The following C1GALT1 variants were observed in gnomAD, a reference collection of about 807,000 sequenced individuals.
C1GALT1 encodes glycoprotein-N-acetylgalactosamine 3-beta-galactosyltransferase 1.
Under a neutral mutation model 31.0 loss-of-function variants are expected in C1GALT1, and 11 were observed. The ratio of observed to expected loss-of-function variants is 0.36; its 90% CI spans 0.22 to 0.59. The LOEUF (loss-of-function observed/expected upper bound fraction) is 0.59. Ranked by LOEUF, C1GALT1 falls within the 20% of genes least tolerant of loss-of-function variation. The pLI, the probability that C1GALT1 is intolerant of heterozygous loss-of-function variation, is 0.79. For synonymous variants in C1GALT1, 175 were observed against 143.6 expected (o/e 1.22, Z -1.56); for missense variants, 424 against 425.2 (o/e 1.00, Z 0.03).
intron 1 of C1GALT1, among the ~76,000 whole-genome samples, chr7:7,192,627 G>A (rs1217298964): frequency 1.3e-5 from 2 of 152,040 alleles, no homozygotes; most frequent in African/African-American, 2.4e-5. Context: ...GTGTTCAAGT[G>A]TGTTTTTCGT....
chr7:7,219,059 G>T (rs1037833966), intron 1 of C1GALT1, among the ~76,000 whole-genome samples: 2 of 152,028 alleles, frequency 1.3e-5, no homozygotes, highest in African/African-American at 4.8e-5. Context: ...GGATGGTCTC[G>T]ATCTCCTGAC....
intron 1 of C1GALT1, among the ~76,000 whole-genome samples, chr7:7,199,612 G>A (rs1025095278): frequency 3.3e-5 from 5 of 152,060 alleles, no homozygotes; most frequent in Non-Finnish European, 5.9e-5. Flanking sequence ...TTTCTGTCTC[G>A]TTGATCTGTC....
chr7:7,227,210 A>G (rs936012218), intron 1 of C1GALT1, among the ~76,000 whole-genome samples: 3 of 152,222 alleles, frequency 2.0e-5, no homozygotes, highest in Non-Finnish European at 4.4e-5. Context: ...GATGACTAAT[A>G]TAATTCCCAT....
At chr7:7,241,618 A>AT (rs2128252718) in intron 3 of C1GALT1, among the ~76,000 whole-genome samples, 1 of 151,998 alleles carries the variant, frequency 6.6e-6, no homozygotes, top group African/African-American at 2.4e-5. Context: ...GGTATGCAAT[A>AT]TTTTTGTTAC....
intron 1 of C1GALT1, among the ~76,000 whole-genome samples, chr7:7,216,614 T>C (rs1482216755): frequency 2.7e-5 from 4 of 149,396 alleles, no homozygotes; most frequent in Admixed American, 2.7e-4. Flanking sequence ...CACTTACCCT[T>C]GAAAGAAAAC....
intron 1 of C1GALT1, among the ~76,000 whole-genome samples, chr7:7,214,542 C>T (rs996302450): frequency 1.4e-4 from 22 of 152,152 alleles, no homozygotes; most frequent in Non-Finnish European, 7.3e-5. Context: ...TGACTTTAGC[C>T]ATGCCAAGCA....
chr7:7,167,228 T>C (rs1780408156), intron 2 of C1GALT1, among the ~76,000 whole-genome samples: 1 of 152,208 alleles, frequency 6.6e-6, no homozygotes. Flanking sequence ...GCTTATGCAG[T>C]GTACAGATAA....
At chr7:7,188,210 T>A (rs994831656) in intron 1 of C1GALT1, among the ~76,000 whole-genome samples, 8 of 152,326 alleles carry the variant, frequency 5.3e-5, no homozygotes, top group Non-Finnish European at 7.3e-5. Context: ...ATTAAGAATA[T>A]CTGTGTACTT....
In C1GALT1 at chr7:7,245,543, G is replaced by A. The variant is rs1427954722; in HGVS notation, c.*1816G>A. The A allele has an allele frequency of 1.3e-5, 2 of 152,186 alleles. No homozygotes were observed. The highest frequency in any genetic ancestry group is 2.9e-5 in the Non-Finnish European group (2 of 68,030). 9.4% of individuals were successfully genotyped at this position (152,186 alleles called of 1,614,324 possible). ...TGACCTCTTTGAATGGTATATTTGA[G>A]AGGATGTTCATTTCATTGGTTAACC... is the stretch of plus-strand genomic sequence containing the variant. On this transcript the variant is annotated 3_prime_UTR_variant, in exon 4 of 4. Transcript: ENST00000436587.
At chr7:7,186,680 G>A (rs1272160651) in intron 1 of C1GALT1, among the ~76,000 whole-genome samples, 1 of 152,252 alleles carries the variant, frequency 6.6e-6, no homozygotes, top group Non-Finnish European at 1.5e-5. Flanking sequence ...ACCTGAAGGA[G>A]TTGGAGAGTG....
chr7:7,208,803 C>G (rs563141013), intron 1 of C1GALT1, among the ~76,000 whole-genome samples: 15 of 152,348 alleles, frequency 9.8e-5, no homozygotes, highest in African/African-American at 3.6e-4. Context: ...TCCACAAACA[C>G]GTGCACAGTT....
At chr7:7,217,511 TTAATGA>T (rs1782300489) in intron 1 of C1GALT1, among the ~76,000 whole-genome samples, 1 of 152,244 alleles carries the variant, frequency 6.6e-6, no homozygotes. Flanking sequence ...GGTTAAAATC[TTAATGA>T]TTATGTGGGC....
chr7:7,223,156 A>C (rs2128243360), intron 1 of C1GALT1, among the ~76,000 whole-genome samples: 1 of 152,108 alleles, frequency 6.6e-6, no homozygotes, highest in Admixed American at 6.6e-5. Context: ...TAATTATCAC[A>C]GACAGGTTTT....
intron 1 of C1GALT1, among the ~76,000 whole-genome samples, chr7:7,194,167 CCTTGT>C (rs1422173584): frequency 1.3e-5 from 2 of 152,014 alleles, no homozygotes; most frequent in Non-Finnish European, 2.9e-5. Context: ...CCCTTTATTT[CCTTGT>C]CTTGTCTGAT....
chr7:7,227,862 C>T (rs1032744409), intron 1 of C1GALT1, among the ~76,000 whole-genome samples: 1 of 152,144 alleles, frequency 6.6e-6, no homozygotes, highest in Non-Finnish European at 1.5e-5. Context: ...ACCAGATGTG[C>T]CCCCTTTGGC....
chr7:7,204,029 T>C (rs1380210283), intron 1 of C1GALT1, among the ~76,000 whole-genome samples: 1 of 152,062 alleles, frequency 6.6e-6, no homozygotes, highest in East Asian at 1.9e-4. Context: ...TGTGTGTCTT[T>C]GTCTGGCTTT....
intron 1 of C1GALT1, among the ~76,000 whole-genome samples, chr7:7,227,780 C>T (rs929954077): frequency 2.0e-5 from 3 of 152,088 alleles, no homozygotes; most frequent in Non-Finnish European, 4.4e-5. Context: ...ATGCGTATCC[C>T]TCATGCCATG....
intron 1 of C1GALT1, among the ~76,000 whole-genome samples, chr7:7,227,305 AC>A (rs1782809797): frequency 6.6e-6 from 1 of 152,236 alleles, no homozygotes. Context: ...GGCAATATTA[AC>A]AAGGCCTTTA....
chr7:7,197,137 AT>A (rs1393991791), intron 1 of C1GALT1, among the ~76,000 whole-genome samples: 3 of 152,088 alleles, frequency 2.0e-5, no homozygotes, highest in African/African-American at 7.2e-5. Context: ...CCTGAATGGT[AT>A]TGCCTAGGTT....
Sources: allele counts gnomAD v4.1 joint callset (sites outside exome capture counted in the v4.1 genomes callset), GRCh38; gene constraint gnomAD v4.1.1; transcripts MANE v1.5; gene names NCBI Gene and HGNC (gene_info 2026-07-23, HGNC 2026-07-21).